Variants in ANKH observed in about 807,000 individuals in gnomAD.
The protein encoded by ANKH is ANKH inorganic pyrophosphate transport regulator, also known as mineralization regulator ANKH.
In ANKH, 15 loss-of-function variants were observed where a neutral mutation model predicts 49.0. The observed-to-expected ratio is 0.31, with a 90% CI of 0.20 to 0.47. ANKH has a LOEUF of 0.47. Among genes scored for constraint, ANKH ranks in the 20% least tolerant of loss-of-function variants. ANKH has a pLI of 1.00. For synonymous variants in ANKH, 273 were observed against 260.0 expected (o/e 1.05, Z -0.48); for missense variants, 429 against 652.0 (o/e 0.66, Z 3.72).
chr5:14,799,652 C>T (rs258221), intron 1 of ANKH, among the ~76,000 whole-genome samples: 43,248 of 152,118 alleles, frequency 0.28, 6,201 homozygotes, highest in Admixed American at 0.34. Flanking sequence ...CATCTGTATA[C>T]AGCATGGCTT....
intron 1 of ANKH, among the ~76,000 whole-genome samples, chr5:14,794,182 A>G (rs1441625420): frequency 6.6e-6 from 1 of 152,238 alleles, no homozygotes; most frequent in Non-Finnish European, 1.5e-5. Flanking sequence ...TGTACTGGGA[A>G]AGCCAGCCTA....
At chr5:14,795,508 CA>C (rs1740345988) in intron 1 of ANKH, among the ~76,000 whole-genome samples, 1 of 152,188 alleles carries the variant, frequency 6.6e-6, no homozygotes, top group South Asian at 2.1e-4. Flanking sequence ...ACTCCTTCAG[CA>C]AACCTTCACC....
intron 1 of ANKH, among the ~76,000 whole-genome samples, chr5:14,861,378 T>A (rs1432847313): frequency 6.6e-6 from 1 of 152,204 alleles, no homozygotes; most frequent in Non-Finnish European, 1.5e-5. Context: ...TCAGCAGACA[T>A]TCTGCTTTCC....
At chr5:14,747,888 G>T (rs367613229) in intron 6 of ANKH, among the ~76,000 whole-genome samples, 1 of 152,042 alleles carries the variant, frequency 6.6e-6, no homozygotes, top group Non-Finnish European at 1.5e-5. Flanking sequence ...CCTCTCCCAC[G>T]GCTCCCCTTC....
intron 5 of ANKH, 105 bp downstream of exon 5, chr5:14,750,964 A>G: frequency 6.9e-7 from 1 of 1,448,714 alleles, no homozygotes; most frequent in Non-Finnish European, 9.6e-7. Context: ...ATCCTGGCCA[A>G]CTTCATGTTT....
At position 14,770,123 on chromosome 5, in the gene ANKH, G is replaced by A. The variant is rs995378586; in HGVS notation, c.97-932C>T. On this transcript the variant is annotated intron_variant, in intron 1 of 11. Coordinates refer to ENST00000284268, the MANE Select transcript of ANKH (RefSeq NM_054027.6). This position sits in a 1 kb window ranked among gnomAD's most constrained non-coding sequence, Gnocchi z 4.1. Reference sequence around the variant, plus strand: ...AACTAAGCAGAAGAGTCAGCTTTCTGTATAGTTATATATTTTTAGAAAATA... The same window carrying A: ...AACTAAGCAGAAGAGTCAGCTTTCTATATAGTTATATATTTTTAGAAAATA... Among the ~76,000 whole-genome samples, 10 of 152,170 alleles carry A rather than the reference G, an allele frequency of 6.6e-5. No homozygotes were observed. Among genetic ancestry groups the A allele is most frequent in the Admixed American group, 3.3e-4 (5 of 15,272 alleles).
intron 1 of ANKH, among the ~76,000 whole-genome samples, chr5:14,845,098 C>A (rs1333512122): frequency 6.6e-6 from 1 of 151,424 alleles, no homozygotes; most frequent in Non-Finnish European, 1.5e-5. Flanking sequence ...GTATCTGACC[C>A]TTCCACATCC....
intron 8 of ANKH, among the ~76,000 whole-genome samples, chr5:14,731,950 C>T (rs1300486444): frequency 6.6e-6 from 1 of 152,208 alleles, no homozygotes; most frequent in Non-Finnish European, 1.5e-5. Flanking sequence ...GCGAGTGTCA[C>T]GTGAACAGGG....
chr5:14,818,988 C>T (rs1011232961), intron 1 of ANKH, among the ~76,000 whole-genome samples: 2 of 152,110 alleles, frequency 1.3e-5, no homozygotes, highest in African/African-American at 4.8e-5. Flanking sequence ...AACAATTAAA[C>T]AGAAATCTAC....
chr5:14,806,133 A>G (rs1296461897), intron 1 of ANKH, among the ~76,000 whole-genome samples: 1 of 152,194 alleles, frequency 6.6e-6, no homozygotes, highest in Non-Finnish European at 1.5e-5. Context: ...TGCCACTTCA[A>G]CACATTTGTT....
intron 1 of ANKH, among the ~76,000 whole-genome samples, chr5:14,855,233 A>G (rs1742221828): frequency 6.6e-6 from 1 of 152,202 alleles, no homozygotes; most frequent in Non-Finnish European, 1.5e-5. Context: ...CTTCTATAGG[A>G]TCCCAGAGCA....
At position 14,713,409 on chromosome 5, in the gene ANKH, C is replaced by G; in HGVS notation, c.1265+135G>C. ...AGCCTCCACCTGGTGCCTGGGCAGA[C>G]ACACAAAACATCATTCTGAATTTCC... On this transcript the variant is annotated intron_variant, in intron 10 of 11. Transcript: ENST00000284268. The surrounding 1 kb of genome is among the most constrained non-coding windows in gnomAD (Gnocchi z 4.4). 1 of 1,316,126 alleles carries G rather than the reference C, an allele frequency of 7.6e-7. No individual in the cohort carries two copies. The highest frequency in any genetic ancestry group is 1.1e-6 in the Non-Finnish European group (1 of 937,650). 81.5% of individuals were successfully genotyped at this position (1,316,126 alleles called of 1,614,324 possible).
Position 14,716,716 on chromosome 5 carries a change from G to A in ANKH, c.1131C>T (p.Phe377=). ...CVVPLRIFSF[F]PVPVTVRAHL... ...TCTGTTTTTCTTTACCTGGAACTGG[G>A]AAGAAGGAGAAGATCCGCAAAGGAA... The change falls in exon 9 of 12, where the codon TTC becomes TTT. Residue 377 remains phenylalanine, a synonymous_variant. Transcript: ENST00000284268. 1 of 1,614,088 alleles carries A rather than the reference G, an allele frequency of 6.2e-7. No homozygotes were observed. The highest frequency in any genetic ancestry group is 1.1e-5 in the South Asian group (1 of 91,072).
chr5:14,806,806 C>A (rs1013842203), intron 1 of ANKH, among the ~76,000 whole-genome samples: 17 of 152,226 alleles, frequency 1.1e-4, no homozygotes, highest in Non-Finnish European at 2.4e-4. Context: ...AATCTCTGAA[C>A]TGATGCCTAT....
chr5:14,843,225 G>C (rs1457558232), intron 1 of ANKH, among the ~76,000 whole-genome samples: 1 of 145,724 alleles, frequency 6.9e-6, no homozygotes, highest in Non-Finnish European at 1.5e-5. Flanking sequence ...GCCCAGGCCA[G>C]AGTGCAATGG....
At chr5:14,818,294 C>T (rs1341922285) in intron 1 of ANKH, among the ~76,000 whole-genome samples, 1 of 151,982 alleles carries the variant, frequency 6.6e-6, no homozygotes, top group Non-Finnish European at 1.5e-5. Flanking sequence ...TCCTACCCTC[C>T]CTTCTCCTCC....
At chr5:14,785,665 TA>T (rs1374757566) in intron 1 of ANKH, among the ~76,000 whole-genome samples, 1 of 152,250 alleles carries the variant, frequency 6.6e-6, no homozygotes. Context: ...ACTGTTATTT[TA>T]AAACATCATG....
chr5:14,823,769 A>C (rs1387164229), intron 1 of ANKH, among the ~76,000 whole-genome samples: 1 of 152,202 alleles, frequency 6.6e-6, no homozygotes, highest in Non-Finnish European at 1.5e-5. Context: ...TCCACTAAAA[A>C]TATAAAAATT....
At chr5:14,842,905 G>A (rs1741853371) in intron 1 of ANKH, among the ~76,000 whole-genome samples, 1 of 152,162 alleles carries the variant, frequency 6.6e-6, no homozygotes. Context: ...CAGAACACAT[G>A]AAAATTCCTA....
Sources: gnomAD v4.1 joint callset for allele counts (sites outside exome capture counted in the v4.1 genomes callset) on GRCh38, gnomAD v4.1.1 for gene constraint, Gnocchi (gnomAD v3.1) non-coding constraint, MANE v1.5 for transcripts, NCBI Gene and HGNC (gene_info 2026-07-23, HGNC 2026-07-21) for gene names.